Variants in MIPOL1 observed in about 807,000 individuals in gnomAD.
MIPOL1 encodes mirror-image polydactyly gene 1 protein.
Under a neutral mutation model 60.9 loss-of-function variants are expected in MIPOL1, and 57 were observed. The ratio of observed to expected loss-of-function variants is 0.94; its 90% confidence interval spans 0.76 to 1.17. The LOEUF (loss-of-function observed/expected upper bound fraction) is 1.17, where lower values mean the gene tolerates loss of function less well. MIPOL1 is among the 50% of genes most tolerant of loss of function. The probability of loss-of-function intolerance (pLI) is 0.00; values close to 1 mark genes in which losing one functional copy is unlikely to be tolerated. For synonymous variants in MIPOL1, 179 were observed against 168.8 expected (o/e 1.06, Z -0.47); for missense variants, 551 against 511.6 (o/e 1.08, Z -0.74).
rs552640173 is a variant in MIPOL1, at chr14:37,207,024, G to A, written c.-199+8920G>A. ...AATGCTGAAATGAGTTAAGACTTTG[G>A]GGGATTGTTGGGAAGACATGATTGG... On this transcript the variant is annotated intron_variant, in intron 1 of 12. Transcript: ENST00000684589. 2.6e-5 allele frequency among the ~76,000 whole-genome samples: 4 copies of A among 152,296 alleles called. No homozygotes were observed. In the South Asian group the frequency reaches 6.2e-4, roughly 24 times the overall value.
chr14:37,404,029 G>C (rs2093541076), intron 10 of MIPOL1, among the ~76,000 whole-genome samples: 1 of 152,096 alleles, frequency 6.6e-6, no homozygotes, highest in Non-Finnish European at 1.5e-5. Context: ...AAAAATTTAA[G>C]ATGAATATTT....
At chr14:37,359,108 A>C (rs1340088749) in intron 9 of MIPOL1, among the ~76,000 whole-genome samples, 1 of 152,012 alleles carries the variant, frequency 6.6e-6, no homozygotes, top group Non-Finnish European at 1.5e-5. Flanking sequence ...CCCCATTGCT[A>C]GTTTTTGTCA....
intron 11 of MIPOL1, among the ~76,000 whole-genome samples, chr14:37,474,226 A>G (rs1286846177): frequency 6.6e-6 from 1 of 152,166 alleles, no homozygotes; most frequent in African/African-American, 2.4e-5. Context: ...TAGTATAAAC[A>G]TACTTGTGCA....
rs148805163 is a variant in MIPOL1, at chr14:37,359,203, C to T, written c.829-10314C>T. ...GTTCGATTGGTCTATATATCTGTTT[C>T]GGTACCAGTACCGTGCTGTTTTGGT... On this transcript the variant is annotated intron_variant, in intron 9 of 12. Coordinates refer to ENST00000684589, the MANE Select transcript of MIPOL1 (RefSeq NM_001388067.1). Among the ~76,000 whole-genome samples the T allele has an allele frequency of 5.1e-3, 782 of 152,156 alleles. 6 individuals are homozygous for T. Among genetic ancestry groups the T allele is most frequent in the African/African-American group, 0.017 (726 of 41,514 alleles).
chr14:37,233,311 T>C (rs1267095395), intron 1 of MIPOL1, among the ~76,000 whole-genome samples: 1 of 152,230 alleles, frequency 6.6e-6, no homozygotes, highest in Non-Finnish European at 1.5e-5. Context: ...AAGAAGTCAG[T>C]TGGCTGTATT....
At chr14:37,357,060 A>G (rs947614792) in intron 9 of MIPOL1, among the ~76,000 whole-genome samples, 1 of 152,162 alleles carries the variant, frequency 6.6e-6, no homozygotes, top group Non-Finnish European at 1.5e-5. Flanking sequence ...ACAGTGCTGC[A>G]ACAAACATGG....
intron 12 of MIPOL1, among the ~76,000 whole-genome samples, chr14:37,533,194 A>G (rs147636952): frequency 3.3e-5 from 5 of 152,282 alleles, no homozygotes; most frequent in Non-Finnish European, 5.9e-5. Flanking sequence ...ATGTAAAAAG[A>G]TTAGGACTTT....
intron 11 of MIPOL1, among the ~76,000 whole-genome samples, chr14:37,496,395 G>C (rs2095129679): frequency 6.9e-6 from 1 of 145,856 alleles, no homozygotes; most frequent in Non-Finnish European, 1.5e-5. Context: ...TGTATATCTA[G>C]AAAACCCCAT....
chr14:37,386,572 C>T (rs1267848673), intron 10 of MIPOL1, among the ~76,000 whole-genome samples: 1 of 151,844 alleles, frequency 6.6e-6, no homozygotes, highest in Non-Finnish European at 1.5e-5. Context: ...TACAAGTTTA[C>T]AGAAATTTGC....
chr14:37,334,884 G>A (rs2089992439), intron 9 of MIPOL1, among the ~76,000 whole-genome samples: 1 of 151,928 alleles, frequency 6.6e-6, no homozygotes, highest in Non-Finnish European at 1.5e-5. Flanking sequence ...TCAAATTATT[G>A]TATGGATATA....
intron 10 of MIPOL1, among the ~76,000 whole-genome samples, chr14:37,372,583 G>A (rs983683409): frequency 2.6e-4 from 40 of 151,920 alleles, no homozygotes; most frequent in Non-Finnish European, 3.5e-4. Flanking sequence ...ATGAAAACCC[G>A]TCTCTACTAA....
intron 12 of MIPOL1, among the ~76,000 whole-genome samples, chr14:37,508,315 A>G (rs1263468931): frequency 6.6e-6 from 1 of 152,136 alleles, no homozygotes; most frequent in Admixed American, 6.6e-5. Context: ...TTCTTGAATA[A>G]CTGATCTATA....
intron 7 of MIPOL1, among the ~76,000 whole-genome samples, chr14:37,296,189 T>C (rs1397073896): frequency 6.6e-6 from 1 of 152,180 alleles, no homozygotes; most frequent in African/African-American, 2.4e-5. Context: ...CTGAACAACC[T>C]GCTCCTGAAT....
chr14:37,223,550 T>G (rs555649181), intron 1 of MIPOL1, among the ~76,000 whole-genome samples: 2 of 152,106 alleles, frequency 1.3e-5, no homozygotes, highest in Admixed American at 1.3e-4. Context: ...TTGCCCAGGC[T>G]GGAGTGCAAT....
intron 1 of MIPOL1, among the ~76,000 whole-genome samples, chr14:37,223,661 C>T (rs1969216034): frequency 6.6e-6 from 1 of 151,948 alleles, no homozygotes; most frequent in African/African-American, 2.4e-5. Flanking sequence ...TACCACCACG[C>T]CCGGCTAATT....
At chr14:37,535,334 T>C (rs1217027416) in intron 12 of MIPOL1, among the ~76,000 whole-genome samples, 1 of 152,192 alleles carries the variant, frequency 6.6e-6, no homozygotes, top group African/African-American at 2.4e-5. Context: ...TATACACATA[T>C]CAAGTTTTTT....
Position 37,247,823 on chromosome 14 carries a change from T to G in MIPOL1, c.-60-6T>G. ...GTTTATTTATCTAGAGTTGGCTTTA[T>G]TTTAGCTGCAAATCTTGGAGCAAAA... On this transcript the variant is annotated splice_region_variant and splice_polypyrimidine_tract_variant and intron_variant, in intron 2 of 12. Transcript: ENST00000684589. The G allele has an allele frequency of 6.3e-7, 1 of 1,576,388 alleles. No homozygotes were observed.
At chr14:37,225,052 C>T (rs939638205) in intron 1 of MIPOL1, among the ~76,000 whole-genome samples, 2 of 152,166 alleles carry the variant, frequency 1.3e-5, no homozygotes, top group Non-Finnish European at 2.9e-5. Flanking sequence ...CCATGTCTCA[C>T]ATCCAGGTCA....
chr14:37,434,891 A>AGATTGCT (rs2094139099), intron 11 of MIPOL1, among the ~76,000 whole-genome samples: 1 of 151,786 alleles, frequency 6.6e-6, no homozygotes, highest in African/African-American at 2.4e-5. Flanking sequence ...AGCAACATCT[A>AGATTGCT]GATTGCTGTT....
Sources: allele counts gnomAD v4.1 joint callset (sites outside exome capture counted in the v4.1 genomes callset), GRCh38; gene constraint gnomAD v4.1.1; transcripts MANE v1.5; gene names NCBI Gene and HGNC (gene_info 2026-07-23, HGNC 2026-07-21).